ZMYM3: variants seen among roughly 807,000 people sequenced by gnomAD.
ZMYM3 encodes zinc finger MYM-type protein 3.
ZMYM3 carries 6 observed loss-of-function variants against 94.2 expected under a neutral mutation model. The ratio of observed to expected loss-of-function variants is 0.06; its 90% confidence interval spans 0.03 to 0.13. ZMYM3 has a LOEUF of 0.13. Among genes scored for constraint, ZMYM3 ranks in the 10% least tolerant of loss-of-function variants. The pLI, the probability that ZMYM3 is intolerant of heterozygous loss-of-function variation, is 1.00. For synonymous variants in ZMYM3, 420 were observed against 426.5 expected (o/e 0.98, Z 0.19); for missense variants, 664 against 1,132.6 (o/e 0.59, Z 5.94).
At chrX:71,244,052 C>T (rs1415096832) in intron 20 of ZMYM3, 72 bp from the exon 21 acceptor site, 1 of 1,126,508 alleles carries the variant, frequency 8.9e-7, no homozygotes, top group Non-Finnish European at 1.2e-6. Context: ...AGCTCCATCA[C>T]CATTAACCCC....
At chrX:71,249,439 T>A in intron 7 of ZMYM3, 22 bp downstream of exon 7, 5 of 1,174,538 alleles carry the variant, frequency 4.3e-6, no homozygotes, top group Non-Finnish European at 5.7e-6. Context: ...AGCCCTCTAA[T>A]GCACTACTCC....
chrX:71,243,901 T>C lies in ZMYM3; in HGVS notation c.3360A>G (p.Arg1120=), dbSNP rs1219285506. The change falls in exon 21 of 25, where the codon AGA becomes AGG. Residue 1120 remains arginine (R), a synonymous_variant. Transcript: ENST00000314425. ...GTTCACCATTGGGCCGAGTGATTTC[T>C]CTCACAAACTGGGCCAGACCGTAGT... The part of the protein sequence containing the change: ...ELNYGLAQFV[R]EITRPNGERY... 1 of 1,209,952 alleles carries C rather than the reference T, an allele frequency of 8.3e-7. No individual in the cohort carries two copies. The highest frequency in any genetic ancestry group is 1.1e-6 in the Non-Finnish European group (1 of 895,240).
At chrX:71,244,701 G>C (rs930486027) in intron 19 of ZMYM3, 89 bp downstream of exon 19, 2 of 907,881 alleles carry the variant, frequency 2.2e-6, no homozygotes, top group Admixed American at 2.8e-5. Flanking sequence ...GTTAGGGAAG[G>C]TCAAACTATG....
At chrX:71,248,832 A>G (rs756820887) in intron 8 of ZMYM3, 31 bp from the exon 9 acceptor site, 8 of 1,135,984 alleles carry the variant, frequency 7.0e-6, no homozygotes. Flanking sequence ...GAGAGAGGAA[A>G]AGAGAAAGAG....
chrX:71,253,310 T>A, intron 1 of ZMYM3, 36 bp from the exon 2 acceptor site: 1 of 1,062,458 alleles, frequency 9.4e-7, no homozygotes, highest in Non-Finnish European at 1.2e-6. Context: ...GCAGTAGAGG[T>A]GGTCTTAGCC....
chrX:71,241,427 G>A (rs2029941373), intron 23 of ZMYM3, 83 bp from the exon 24 acceptor site: 7 of 746,475 alleles, frequency 9.4e-6, no homozygotes, highest in Non-Finnish European at 1.3e-5. Context: ...AGGGCACAGG[G>A]AGAAGGCGTC....
rs749152146 is a variant in ZMYM3 at position 71,245,861 on chromosome X, A to G, written c.2686-19T>C. 2.6e-6 allele frequency: 3 copies of G among 1,173,974 alleles called. No individual in the cohort carries two copies. Among genetic ancestry groups the G allele is most frequent in the Non-Finnish European group, 3.4e-6 (3 of 872,967 alleles). ...CAGGCACCTGGAGGCACGAATCCCA[A>G]CTAAATGCCAAGAACCACACCAGCA... is the stretch of plus-strand genomic sequence containing the variant. On this transcript the variant is annotated intron_variant, in intron 16 of 24. Transcript: ENST00000314425.
intron 3 of ZMYM3, 63 bp from the exon 4 acceptor site, chrX:71,251,307 A>T: frequency 1.9e-6 from 1 of 519,289 alleles, no homozygotes; most frequent in Non-Finnish European, 2.9e-6. Context: ...ACACTAGTAC[A>T]GGGTTTGGGG....
intron 22 of ZMYM3, 59 bp downstream of exon 22, chrX:71,242,911 G>C (rs1007820049): frequency 9.3e-7 from 1 of 1,077,626 alleles, no homozygotes; most frequent in African/African-American, 1.8e-5. Context: ...GGACTCTCGG[G>C]ATGGTGGATT....
At chrX:71,246,969 A>G (rs5937076) in intron 13 of ZMYM3, among the ~76,000 whole-genome samples, 42,376 of 110,060 alleles carry the variant, frequency 0.39, 6,995 homozygotes, top group East Asian at 0.7. Flanking sequence ...TTATCCCTGG[A>G]GTTGTGGAGG....
chrX:71,243,581 G>C (rs2030036496), intron 21 of ZMYM3: 1 of 371,273 alleles, frequency 2.7e-6, no homozygotes, highest in Non-Finnish European at 4.6e-6. Context: ...GACAAGATGA[G>C]GAACAGGGAG....
rs764911659 is a variant in ZMYM3, at chrX:71,250,156, C to G, written c.1121G>C (p.Gly374Ala). The change falls in exon 6 of 25, where the codon GGA becomes GCA. Residue 374 changes from glycine to alanine, a missense_variant. Gly to Ala is a moderately conservative substitution (Grantham distance 60). Coordinates refer to ENST00000314425, the MANE Select transcript of ZMYM3 (RefSeq NM_201599.3). ...KDSVVAQTGSGGSFHEFCTSV... is the reference protein window; with the variant it reads ...KDSVVAQTGSAGSFHEFCTSV... ...TGTGCAGAACTCATGGAAGGAGCCTCCAGAACCAGTCTGCGCCACAACCGA... is the reference window on the plus strand; with the variant it reads ...TGTGCAGAACTCATGGAAGGAGCCTGCAGAACCAGTCTGCGCCACAACCGA... 8.3e-7 allele frequency: 1 copy of G among 1,202,759 alleles called. No homozygotes were observed. Among genetic ancestry groups the G allele is most frequent in the South Asian group, 1.8e-5 (1 of 54,860 alleles).
At position 71,252,127 on chromosome X, in the gene ZMYM3, A is replaced by G. The variant is rs1356181665; in HGVS notation, c.667+462T>C. On this transcript the variant is annotated intron_variant, in intron 2 of 24. Coordinates refer to ENST00000314425, the MANE Select transcript of ZMYM3 (RefSeq NM_201599.3). ...ACGCAATCCTAGACCCTGCATTTCT[A>G]TCGCTCTGCTGAAATCCTTATGCTG... 2.7e-5 allele frequency among the ~76,000 whole-genome samples: 3 copies of G among 110,788 alleles called. No homozygotes were observed. In the East Asian group the frequency reaches 8.5e-4, roughly 31 times the overall value.
In ZMYM3 at chrX:71,246,550, G is replaced by A. The variant is rs751545557; in HGVS notation, c.2413-38C>T. ...AGGAACATTTGTGCCACCAACCGCC[G>A]TACCCTCCTCTGAGATTATCCTCCC... On this transcript the variant is annotated intron_variant, in intron 14 of 24. Coordinates refer to ENST00000314425, the MANE Select transcript of ZMYM3 (RefSeq NM_201599.3). The A allele has an allele frequency of 6.7e-6, 8 of 1,201,515 alleles. No homozygotes were observed. The East Asian group carries it at 8.9e-5, about 13-fold the overall frequency.
intron 3 of ZMYM3, 134 bp downstream of exon 3, chrX:71,251,424 C>T (rs1413293163): frequency 4.2e-6 from 4 of 954,119 alleles, no homozygotes; most frequent in Non-Finnish European, 4.3e-6. Context: ...GCAGTAGACA[C>T]TAGTGCTCCC....
chrX:71,251,354 A>G, intron 3 of ZMYM3, 110 bp from the exon 4 acceptor site: 1 of 946,748 alleles, frequency 1.1e-6, no homozygotes, highest in East Asian at 3.1e-5. Flanking sequence ...GAGAGTGGGG[A>G]CCCTTGGCCC....
chrX:71,244,027 T>G (rs1185413330), intron 20 of ZMYM3, 47 bp from the exon 21 acceptor site: 2 of 1,190,914 alleles, frequency 1.7e-6, no homozygotes. Context: ...AAACTCTACA[T>G]GGAGAATTTC....
intron 12 of ZMYM3, 37 bp downstream of exon 12, chrX:71,247,697 C>A: frequency 8.4e-7 from 1 of 1,193,819 alleles, no homozygotes; most frequent in Non-Finnish European, 1.1e-6. Flanking sequence ...CCCCACTGCC[C>A]TCTTTCCCGC....
At chrX:71,250,388 C>G in intron 5 of ZMYM3, 44 bp downstream of exon 5, 1 of 1,161,056 alleles carries the variant, frequency 8.6e-7, no homozygotes, top group Non-Finnish European at 1.2e-6. Flanking sequence ...CATACTCCTG[C>G]CCAGATCCCT....
Sources: gnomAD v4.1 joint callset for allele counts (sites outside exome capture counted in the v4.1 genomes callset) on GRCh38, gnomAD v4.1.1 for gene constraint, MANE v1.5 for transcripts, NCBI Gene and HGNC (gene_info 2026-07-23, HGNC 2026-07-21) for gene names.